The following GLRA3 variants were observed in gnomAD, a reference collection of about 807,000 sequenced individuals.
GLRA3 encodes glycine receptor alpha 3, also known as glycine receptor subunit alpha-3.
A neutral mutation model predicts 60.4 loss-of-function variants in GLRA3; 44 were observed. The ratio of observed to expected loss-of-function variants is 0.73; its 90% CI spans 0.57 to 0.94. The LOEUF is 0.94. Ranked by LOEUF, GLRA3 falls within the 40% of genes least tolerant of loss-of-function variation. The pLI is 0.00. For synonymous variants in GLRA3, 223 were observed against 192.9 expected (o/e 1.16, Z -1.29); for missense variants, 508 against 564.6 (o/e 0.90, Z 1.02).
In GLRA3 at chr4:174,643,079, C is replaced by T. The variant is rs1474730695; in HGVS notation, c.*707G>A. ...CTTATTTAAAAACAAAGTTGTTTCCCGTATTTCCACCTTCGTTCCTAGAGA... is the reference window on the plus strand; with the variant it reads ...CTTATTTAAAAACAAAGTTGTTTCCTGTATTTCCACCTTCGTTCCTAGAGA... On this transcript the variant is annotated 3_prime_UTR_variant, in exon 10 of 10. Transcript: ENST00000274093. 6 of 945,046 alleles carry T rather than the reference C, an allele frequency of 6.3e-6. No individual in the cohort carries two copies. The highest frequency in any genetic ancestry group is 6.3e-6 in the Non-Finnish European group (5 of 794,228). The allele number at this position is 945,046 out of a possible 1,614,324, so 58.5% of individuals were successfully genotyped here.
chr4:174,819,582 GA>G (rs1008783129), intron 1 of GLRA3, among the ~76,000 whole-genome samples: 1 of 151,892 alleles, frequency 6.6e-6, no homozygotes, highest in South Asian at 2.1e-4. Flanking sequence ...TTCCATTCCA[GA>G]AAAAAATGTT....
rs200757023 is a variant in GLRA3 at position 174,728,699 on chromosome 4, C to A, written c.268-1G>T. The A allele has an allele frequency of 6.6e-7, 1 of 1,512,280 alleles. No individual in the cohort carries two copies. The highest frequency in any genetic ancestry group is 1.2e-5 in the South Asian group (1 of 83,222). The allele number at this position is 1,512,280 out of a possible 1,614,324, so 93.7% of individuals were successfully genotyped here. On this transcript the variant is annotated splice_acceptor_variant, in intron 3 of 9. Transcript: ENST00000274093. LOFTEE classifies it high-confidence loss of function. Reference sequence around the variant, plus strand: ...GAAGAAAGATATTCACTCTGTAATCCTATGATAAAATAATGAAAGAAAGAA... The same window carrying A: ...GAAGAAAGATATTCACTCTGTAATCATATGATAAAATAATGAAAGAAAGAA...
chr4:174,662,823 G>GT (rs56099276), intron 7 of GLRA3, among the ~76,000 whole-genome samples: 4,618 of 127,328 alleles, frequency 0.036, 92 homozygotes, highest in African/African-American at 0.051. Flanking sequence ...GTTATTCCTT[G>GT]TTTTTTTTTT....
chr4:174,695,683 C>T (rs958915047), intron 5 of GLRA3, among the ~76,000 whole-genome samples: 6 of 152,018 alleles, frequency 3.9e-5, no homozygotes, highest in Admixed American at 2.0e-4. Context: ...TGGCACAAGA[C>T]GAGAATGTCC....
chr4:174,638,718 TCACA>T lies in GLRA3; in HGVS notation c.*5064_*5067del, dbSNP rs1462121120. The T allele has an allele frequency of 1.2e-4, 18 of 152,216 alleles. No individual in the cohort carries two copies. The highest frequency in any genetic ancestry group is 3.9e-4 in the African/African-American group (16 of 41,456). 9.4% of individuals were successfully genotyped at this position (152,216 alleles called of 1,614,324 possible). ...ATTAAGAGAATAAGCTTGTGTAAGT[TCACA>T]CGAATTCTCTCACTTCTGGAATTTT... On this transcript the variant is annotated 3_prime_UTR_variant, in exon 10 of 10. Transcript: ENST00000274093.
intron 7 of GLRA3, among the ~76,000 whole-genome samples, chr4:174,676,188 T>C (rs1734109692): frequency 6.6e-6 from 1 of 152,160 alleles, no homozygotes. Context: ...CAAAGCAATA[T>C]TGGGTCTTTT....
Position 174,705,291 on chromosome 4 carries a change from G to A in GLRA3, c.574+10197C>T, listed in dbSNP as rs538775631. Among the ~76,000 whole-genome samples the A allele has an allele frequency of 2.2e-4, 32 of 143,338 alleles. 4 individuals carry two copies. Among genetic ancestry groups the A allele is most frequent in the South Asian group, 1.8e-3 (8 of 4,462 alleles). 94.0% of individuals were successfully genotyped at this position (143,338 alleles called of 152,430 possible). A position where few individuals can be genotyped will look rare whatever the true frequency, so the allele number is the denominator to read the frequency against. On this transcript the variant is annotated intron_variant, in intron 5 of 9. Coordinates refer to ENST00000274093, the MANE Select transcript of GLRA3 (RefSeq NM_006529.4). ...TCTGTCTTCTGTGGGGTGATGCAAT[G>A]AAAACGCCCTAGCAGATGCTGGCAG...
At chr4:174,685,624 C>A (rs1734528238) in intron 5 of GLRA3, among the ~76,000 whole-genome samples, 1 of 152,192 alleles carries the variant, frequency 6.6e-6, no homozygotes, top group African/African-American at 2.4e-5. Context: ...TACTAGAATA[C>A]ATTTCATTGA....
At chr4:174,785,986 C>T (rs1211035431) in intron 2 of GLRA3, among the ~76,000 whole-genome samples, 4 of 129,552 alleles carry the variant, frequency 3.1e-5, no homozygotes, top group African/African-American at 1.2e-4. Flanking sequence ...CAGAGCTGGT[C>T]TCAAACTCCT....
At chr4:174,806,922 A>T (rs964670338) in intron 1 of GLRA3, among the ~76,000 whole-genome samples, 3 of 152,108 alleles carry the variant, frequency 2.0e-5, no homozygotes, top group African/African-American at 4.8e-5. Flanking sequence ...ATGAAATACC[A>T]ATAAAGTCTC....
chr4:174,727,280 A>C (rs1561080318), intron 4 of GLRA3, among the ~76,000 whole-genome samples: 1 of 152,244 alleles, frequency 6.6e-6, no homozygotes, highest in Non-Finnish European at 1.5e-5. Context: ...ATTACATTTT[A>C]GAATCCTACT....
chr4:174,778,397 C>T (rs1484180431), intron 2 of GLRA3, among the ~76,000 whole-genome samples: 1 of 151,346 alleles, frequency 6.6e-6, no homozygotes, highest in African/African-American at 2.4e-5. Context: ...TCAGCCACAT[C>T]ATGGGATAAA....
At chr4:174,660,693 T>C (rs1255588637) in intron 7 of GLRA3, among the ~76,000 whole-genome samples, 1 of 152,264 alleles carries the variant, frequency 6.6e-6, no homozygotes, top group African/African-American at 2.4e-5. Flanking sequence ...CAATGATGGT[T>C]ACTCAGTGGT....
At chr4:174,824,378 T>C (rs954007614) in intron 1 of GLRA3, among the ~76,000 whole-genome samples, 1 of 152,166 alleles carries the variant, frequency 6.6e-6, no homozygotes, top group Non-Finnish European at 1.5e-5. Context: ...AGGTAAACAC[T>C]ACCTCTGAAG....
intron 1 of GLRA3, among the ~76,000 whole-genome samples, chr4:174,794,402 G>A (rs1469353518): frequency 1.3e-5 from 2 of 152,010 alleles, no homozygotes; most frequent in African/African-American, 4.8e-5. Context: ...TGTTGCTTAA[G>A]AACTCCTAGA....
chr4:174,729,863 A>T (rs2111137004), intron 3 of GLRA3, among the ~76,000 whole-genome samples: 1 of 152,312 alleles, frequency 6.6e-6, no homozygotes, highest in East Asian at 1.9e-4. Flanking sequence ...AAATTATGAG[A>T]CATCAGAATA....
chr4:174,667,197 C>T lies in GLRA3; in HGVS notation c.928-8000G>A, dbSNP rs28434550. Among the ~76,000 whole-genome samples the T allele has an allele frequency of 9.6e-3, 1,460 of 152,202 alleles. 17 individuals are homozygous for T. The highest frequency in any genetic ancestry group is 0.056 in the South Asian group (272 of 4,828). On this transcript the variant is annotated intron_variant, in intron 7 of 9. Transcript: ENST00000274093. ...GCTCAAAGTTCATTAGCCAGAACTA[C>T]TCACAGTCAACCCTGATCACAAGAG...
intron 1 of GLRA3, among the ~76,000 whole-genome samples, chr4:174,809,350 C>T (rs898759606): frequency 2.0e-5 from 3 of 152,090 alleles, no homozygotes; most frequent in Admixed American, 6.6e-5. Context: ...ATAACTGTAT[C>T]ACCTAACAAT....
Position 174,691,733 on chromosome 4 carries a change from G to C in GLRA3, c.575-8794C>G, listed in dbSNP as rs1057280541. Among the ~76,000 whole-genome samples the C allele has an allele frequency of 1.1e-4, 16 of 152,150 alleles. No individual in the cohort carries two copies. In the South Asian group the frequency reaches 1.7e-3, roughly 16 times the overall value. ...GGCTGGAGTGCAGTGGCGTGATCTC[G>C]GCTCGCTACAACCTCCACCTCCCAG... On this transcript the variant is annotated intron_variant, in intron 5 of 9. Coordinates refer to ENST00000274093, the MANE Select transcript of GLRA3 (RefSeq NM_006529.4).
Sources: allele counts gnomAD v4.1 joint callset (sites outside exome capture counted in the v4.1 genomes callset), GRCh38; gene constraint gnomAD v4.1.1; transcripts MANE v1.5; gene names NCBI Gene and HGNC (gene_info 2026-07-23, HGNC 2026-07-21).